GMDS: variants seen among roughly 807,000 people sequenced by gnomAD.
GMDS encodes the protein GDP-mannose 4,6-dehydratase, also known as GDP-mannose 4,6 dehydratase.
GMDS carries 20 observed loss-of-function variants against 49.9 expected under a neutral mutation model. The observed-to-expected ratio is 0.40, with a 90% CI of 0.28 to 0.58. The LOEUF is 0.58. GMDS is among the 20% of genes least tolerant of loss of function. The pLI, the probability that GMDS is intolerant of heterozygous loss-of-function variation, is 0.42. For missense variants in GMDS, 362 were observed against 481.4 expected, an observed-to-expected ratio of 0.75 and a Z score of 2.32; for synonymous variants, 177 against 178.6, an observed-to-expected ratio of 0.99 and a Z score of 0.07.
At chr6:2,006,198 G>A (rs1236019785) in intron 4 of GMDS, among the ~76,000 whole-genome samples, 1 of 151,720 alleles carries the variant, frequency 6.6e-6, no homozygotes, top group Non-Finnish European at 1.5e-5. Context: ...GAGGTGGGAG[G>A]ATCACTTGAC....
intron 7 of GMDS, among the ~76,000 whole-genome samples, chr6:1,871,142 A>C (rs1024400130): frequency 5.3e-5 from 8 of 151,910 alleles, no homozygotes; most frequent in Non-Finnish European, 1.2e-4. Flanking sequence ...ACGAGTACCA[A>C]GGGTTAAAAG....
At chr6:1,961,659 A>G (rs1191335408) in intron 4 of GMDS, among the ~76,000 whole-genome samples, 1 of 152,236 alleles carries the variant, frequency 6.6e-6, no homozygotes, top group Non-Finnish European at 1.5e-5. Context: ...TGCATAATGA[A>G]CAAAATAATC....
At chr6:1,677,244 C>T (rs1321672888) in intron 9 of GMDS, among the ~76,000 whole-genome samples, 1 of 152,196 alleles carries the variant, frequency 6.6e-6, no homozygotes, top group Admixed American at 6.5e-5. Flanking sequence ...CATCTCACAC[C>T]AGTTAGGATG....
At chr6:1,797,903 T>A (rs146280018) in intron 7 of GMDS, among the ~76,000 whole-genome samples, 2 of 152,378 alleles carry the variant, frequency 1.3e-5, no homozygotes, top group South Asian at 2.1e-4. Flanking sequence ...AGTCAAGGCA[T>A]CTGCACTTTG....
chr6:1,936,293 A>G (rs1306206173), intron 6 of GMDS, among the ~76,000 whole-genome samples: 1 of 152,208 alleles, frequency 6.6e-6, no homozygotes, highest in Non-Finnish European at 1.5e-5. Flanking sequence ...GCAGGCCTGC[A>G]TGGACCCTAA....
chr6:2,057,755 C>T (rs529047683), intron 4 of GMDS, among the ~76,000 whole-genome samples: 1 of 152,206 alleles, frequency 6.6e-6, no homozygotes, highest in African/African-American at 2.4e-5. Flanking sequence ...GGATCAATAT[C>T]GGACTATAGC....
chr6:2,023,232 A>C lies in GMDS; in HGVS notation c.346-62266T>G, dbSNP rs1260974453. On this transcript the variant is annotated intron_variant, in intron 4 of 10. Transcript: ENST00000380815. ...TTACCTAGATATGTACTGTCAAATTAAACTTATTTATAGTTTGACTTCAGA... is the reference window on the plus strand; with the variant it reads ...TTACCTAGATATGTACTGTCAAATTCAACTTATTTATAGTTTGACTTCAGA... 2.0e-5 allele frequency among the ~76,000 whole-genome samples: 3 copies of C among 152,218 alleles called. No homozygotes were observed. The East Asian group carries it at 5.8e-4, about 29-fold the overall frequency.
intron 4 of GMDS, among the ~76,000 whole-genome samples, chr6:1,974,548 G>A (rs546863864): frequency 6.6e-6 from 1 of 152,152 alleles, no homozygotes; most frequent in Non-Finnish European, 1.5e-5. Context: ...CAGGTTCCAA[G>A]TCTCAAACTG....
intron 4 of GMDS, among the ~76,000 whole-genome samples, chr6:1,981,576 G>A (rs745885336): frequency 6.6e-6 from 1 of 152,264 alleles, no homozygotes; most frequent in Middle Eastern, 3.4e-3. Context: ...ATTCACAGTT[G>A]AATTCTACCA....
intron 7 of GMDS, among the ~76,000 whole-genome samples, chr6:1,827,215 G>A (rs1306793361): frequency 1.3e-5 from 2 of 149,222 alleles, no homozygotes; most frequent in African/African-American, 2.5e-5. Flanking sequence ...ATACACACTC[G>A]CTTCAAGGGA....
chr6:1,694,968 G>A (rs1299925742), intron 9 of GMDS, among the ~76,000 whole-genome samples: 3 of 152,144 alleles, frequency 2.0e-5, no homozygotes, highest in African/African-American at 7.2e-5. Context: ...ATACCACAGA[G>A]GAGGGTGCCA....
At chr6:1,769,313 A>C (rs570517870) in intron 7 of GMDS, among the ~76,000 whole-genome samples, 17 of 152,362 alleles carry the variant, frequency 1.1e-4, no homozygotes, top group Middle Eastern at 3.4e-3. Context: ...TGGAATGTCC[A>C]ATACTGGGGT....
chr6:1,790,838 A>G (rs1348892994), intron 7 of GMDS, among the ~76,000 whole-genome samples: 1 of 152,200 alleles, frequency 6.6e-6, no homozygotes, highest in Non-Finnish European at 1.5e-5. Flanking sequence ...TAGGCTGAGT[A>G]ATGCCTCCCA....
intron 4 of GMDS, among the ~76,000 whole-genome samples, chr6:2,055,434 C>T (rs116566141): frequency 2.6e-5 from 4 of 152,090 alleles, no homozygotes; most frequent in East Asian, 1.9e-4. Flanking sequence ...ATCACCTAAT[C>T]GTTGGCTGGT....
At chr6:1,841,846 C>A (rs143282459) in intron 7 of GMDS, among the ~76,000 whole-genome samples, 200 of 152,290 alleles carry the variant, frequency 1.3e-3, no homozygotes, top group African/African-American at 4.2e-3. Context: ...TGACTGCTTT[C>A]TTCTCACTCA....
At chr6:2,166,179 T>C (rs926565284) in intron 1 of GMDS, among the ~76,000 whole-genome samples, 12 of 152,302 alleles carry the variant, frequency 7.9e-5, no homozygotes, top group South Asian at 2.1e-4. Context: ...ACGGTCCCCA[T>C]GCAGAAAAAA....
chr6:1,873,015 C>G (rs1227355118), intron 7 of GMDS, among the ~76,000 whole-genome samples: 1 of 152,182 alleles, frequency 6.6e-6, no homozygotes, highest in Non-Finnish European at 1.5e-5. Context: ...CGCTGAAATC[C>G]CCACTCTTTC....
intron 6 of GMDS, among the ~76,000 whole-genome samples, chr6:1,951,548 G>A (rs999719574): frequency 1.3e-5 from 2 of 152,120 alleles, no homozygotes; most frequent in African/African-American, 2.4e-5. Context: ...ATTGCCACAT[G>A]ATTTTTAATG....
At position 2,137,604 on chromosome 6, in the gene GMDS, G is replaced by GA. The variant is rs2127524699; in HGVS notation, c.103-12874dup. On this transcript the variant is annotated intron_variant, in intron 1 of 10. Transcript: ENST00000380815. ...CCACTTTGGCTTCCCAAAGTGCTGG[G>GA]ATTGCAGGTGTGAGCCACCGCGCCC... 1.3e-5 allele frequency among the ~76,000 whole-genome samples: 2 copies of GA among 152,290 alleles called. 1 individual carries two copies. Among genetic ancestry groups the GA allele is most frequent in the South Asian group, 4.1e-4 (2 of 4,826 alleles).
Sources: allele counts gnomAD v4.1 joint callset (sites outside exome capture counted in the v4.1 genomes callset), GRCh38; gene constraint gnomAD v4.1.1; transcripts MANE v1.5; gene names NCBI Gene and HGNC (gene_info 2026-07-23, HGNC 2026-07-21).